LPGAT1: variants seen among roughly 807,000 people sequenced by gnomAD.
LPGAT1 encodes the protein acyl-CoA:lysophosphatidylglycerol acyltransferase 1.
A neutral mutation model predicts 47.5 loss-of-function variants in LPGAT1; 11 were observed. That is an observed-to-expected ratio of 0.23 (90% CI 0.15 to 0.38). LPGAT1 has a LOEUF of 0.38. LPGAT1 is among the 10% of genes least tolerant of loss of function. The pLI is 1.00. For synonymous variants in LPGAT1, 138 were observed against 144.2 expected (o/e 0.96, Z 0.31); for missense variants, 293 against 439.0 (o/e 0.67, Z 2.97).
rs889080348 is a variant in LPGAT1 at position 211,744,382 on chromosome 1, T to C, written c.*5517A>G. On this transcript the variant is annotated 3_prime_UTR_variant, in exon 8 of 8. Transcript: ENST00000366997. ...AAAGCTAAAAGTGGTTTCGGCTTAA[T>C]GAGTCTAATATGTACCATGGTAAGA... is the stretch of plus-strand genomic sequence containing the variant. 2 of 152,218 alleles carry C rather than the reference T, an allele frequency of 1.3e-5. No individual in the cohort carries two copies. Among genetic ancestry groups the C allele is most frequent in the African/African-American group, 4.8e-5 (2 of 41,458 alleles). 9.4% of individuals were successfully genotyped at this position (152,218 alleles called of 1,614,324 possible). A position where few individuals can be genotyped will look rare whatever the true frequency, so the allele number is the denominator to read the frequency against.
At chr1:211,779,128 A>C in intron 5 of LPGAT1, 84 bp from the exon 6 acceptor site, 1 of 1,126,820 alleles carries the variant, frequency 8.9e-7, no homozygotes, top group Middle Eastern at 2.3e-4. Flanking sequence ...TGACCAGTGT[A>C]AGATATATCA....
At chr1:211,804,341 C>T (rs115749199) in intron 2 of LPGAT1, among the ~76,000 whole-genome samples, 2,460 of 152,198 alleles carry the variant, frequency 0.016, 28 homozygotes, top group Non-Finnish European at 0.023. Flanking sequence ...TGAGCCACTA[C>T]ACCTGACAAA....
chr1:211,777,002 G>A (rs77958014), intron 6 of LPGAT1, among the ~76,000 whole-genome samples: 1 of 150,250 alleles, frequency 6.7e-6, no homozygotes, highest in East Asian at 2.0e-4. Flanking sequence ...TATATATAAT[G>A]TGATTTCTAA....
At position 211,785,668 on chromosome 1, in the gene LPGAT1, G is replaced by A. The variant is rs190132956; in HGVS notation, c.453+1964C>T. Reference sequence around the variant, plus strand: ...GTCACCCAGGCTGGAGTGCAGTGACGCAATCTCGGCCCACTGCAACCTCTG... The same window carrying A: ...GTCACCCAGGCTGGAGTGCAGTGACACAATCTCGGCCCACTGCAACCTCTG... On this transcript the variant is annotated intron_variant, in intron 4 of 7. Coordinates refer to ENST00000366997, the MANE Select transcript of LPGAT1 (RefSeq NM_014873.3). Among the ~76,000 whole-genome samples the A allele has an allele frequency of 5.1e-4, 76 of 149,976 alleles. 1 individual carries two copies. Among genetic ancestry groups the A allele is most frequent in the African/African-American group, 1.1e-3 (45 of 40,618 alleles).
At position 211,830,667 on chromosome 1, in the gene LPGAT1, G is replaced by T. The variant is rs1157692910; in HGVS notation, c.-122C>A. 6 of 1,198,800 alleles carry T rather than the reference G, an allele frequency of 5.0e-6. No homozygotes were observed. The East Asian group carries it at 1.4e-4, about 28-fold the overall frequency. The allele number at this position is 1,198,800 out of a possible 1,614,324, so 74.3% of individuals were successfully genotyped here. A position where few individuals can be genotyped will look rare whatever the true frequency, so the allele number is the denominator to read the frequency against. On this transcript the variant is annotated 5_prime_UTR_variant, in exon 1 of 8. Coordinates refer to ENST00000366997, the MANE Select transcript of LPGAT1 (RefSeq NM_014873.3). The surrounding 1 kb of genome is among the most constrained non-coding windows in gnomAD (Gnocchi z 5.9). ...GGGGCCGGCGGAAGAAGGCGGTGGC[G>T]GGGCCCTGCCCCGCTCCGGCTGTGG...
chr1:211,805,993 C>T (rs578068634), intron 2 of LPGAT1, among the ~76,000 whole-genome samples: 1 of 152,202 alleles, frequency 6.6e-6, no homozygotes, highest in Non-Finnish European at 1.5e-5. Flanking sequence ...GGCGCAGTGG[C>T]TCATGCCTGT....
chr1:211,793,943 T>C (rs933780031), intron 2 of LPGAT1, among the ~76,000 whole-genome samples: 6 of 152,202 alleles, frequency 3.9e-5, no homozygotes, highest in African/African-American at 1.4e-4. Flanking sequence ...CCAAAAAAGA[T>C]GTATTATCAA....
intron 4 of LPGAT1, among the ~76,000 whole-genome samples, chr1:211,785,102 C>T (rs1468118305): frequency 1.3e-5 from 2 of 152,068 alleles, no homozygotes; most frequent in African/African-American, 2.4e-5. Context: ...TGCGCCCAGC[C>T]GGTTCTTTCT....
At chr1:211,801,111 G>A (rs1659555456) in intron 2 of LPGAT1, among the ~76,000 whole-genome samples, 1 of 152,180 alleles carries the variant, frequency 6.6e-6, no homozygotes, top group Non-Finnish European at 1.5e-5. Context: ...ACAGACAGTT[G>A]AAGGGGATGA....
chr1:211,794,519 T>G (rs1439958394), intron 2 of LPGAT1, among the ~76,000 whole-genome samples: 4 of 152,174 alleles, frequency 2.6e-5, no homozygotes. Flanking sequence ...TTGCCCAGGC[T>G]GATCTCAAAC....
At chr1:211,759,633 T>G (rs1044210802) in intron 6 of LPGAT1, among the ~76,000 whole-genome samples, 2 of 152,210 alleles carry the variant, frequency 1.3e-5, no homozygotes, top group African/African-American at 4.8e-5. Flanking sequence ...TTACTTTCTA[T>G]AATATTAGCA....
chr1:211,785,547 T>C (rs72746535), intron 4 of LPGAT1, among the ~76,000 whole-genome samples: 12,547 of 152,108 alleles, frequency 0.082, 646 homozygotes, highest in Admixed American at 0.15. Flanking sequence ...AGAAAATATT[T>C]TGGAGTACCT....
chr1:211,817,358 G>C (rs939906096), intron 2 of LPGAT1, among the ~76,000 whole-genome samples: 1 of 152,148 alleles, frequency 6.6e-6, no homozygotes, highest in Non-Finnish European at 1.5e-5. Context: ...GATCACCTAA[G>C]GTCCGGAGTT....
intron 6 of LPGAT1, among the ~76,000 whole-genome samples, chr1:211,755,838 T>C (rs1226088549): frequency 6.6e-6 from 1 of 152,194 alleles, no homozygotes; most frequent in Non-Finnish European, 1.5e-5. Context: ...TCTCCCAAAA[T>C]ACAATACTAC....
At chr1:211,825,621 C>T (rs113162173) in intron 2 of LPGAT1, among the ~76,000 whole-genome samples, 2,471 of 152,210 alleles carry the variant, frequency 0.016, 41 homozygotes, top group Non-Finnish European at 0.025. Flanking sequence ...CAATATAAAG[C>T]ATTTCCTCAA....
chr1:211,786,543 G>A (rs1009910990), intron 4 of LPGAT1, among the ~76,000 whole-genome samples: 3 of 152,166 alleles, frequency 2.0e-5, no homozygotes, highest in African/African-American at 7.2e-5. Flanking sequence ...AGAAAATAAT[G>A]TAGTGCTGAT....
chr1:211,749,999 G>T lies in LPGAT1; in HGVS notation c.1013C>A (p.Thr338Asn), dbSNP rs1327790908. The T allele has an allele frequency of 6.2e-7, 1 of 1,613,952 alleles. No homozygotes were observed. Among genetic ancestry groups the T allele is most frequent in the Non-Finnish European group, 8.5e-7 (1 of 1,179,934 alleles). ...GAGAAATATCCACAAGTTGCTGAGG[G>T]TCATCTCCCTGGAAACAGCTTCCTT... ...GHKEAVSREM[T>N]LSNLWIFLIQ... The change falls in exon 8 of 8, where the codon ACC becomes AAC. Residue 338 changes from threonine to asparagine, a missense_variant. Coordinates refer to ENST00000366997, the MANE Select transcript of LPGAT1 (RefSeq NM_014873.3).
chr1:211,780,856 C>T (rs1038187311), intron 5 of LPGAT1, among the ~76,000 whole-genome samples: 3 of 151,456 alleles, frequency 2.0e-5, no homozygotes, highest in African/African-American at 7.3e-5. Context: ...AGTCAGCTCA[C>T]AGATATCCAC....
rs1657079290 is a variant in LPGAT1 at position 211,749,336 on chromosome 1, A to C, written c.*563T>G. 6.4e-6 allele frequency: 1 copy of C among 155,904 alleles called. No homozygotes were observed. The highest frequency in any genetic ancestry group is 2.4e-5 in the African/African-American group (1 of 41,488). The allele number at this position is 155,904 out of a possible 1,614,324, so 9.7% of individuals were successfully genotyped here. A position where few individuals can be genotyped will look rare whatever the true frequency, so the allele number is the denominator to read the frequency against. The stretch of plus-strand genomic sequence containing the variant: ...GTCCAGTGGACACTGCTTTTCCCCC[A>C]CAGAGAATGTCAATATTCTAGAGTT... On this transcript the variant is annotated 3_prime_UTR_variant, in exon 8 of 8. Coordinates refer to ENST00000366997, the MANE Select transcript of LPGAT1 (RefSeq NM_014873.3).
Sources: allele counts gnomAD v4.1 joint callset (sites outside exome capture counted in the v4.1 genomes callset), GRCh38; gene constraint gnomAD v4.1.1; non-coding constraint Gnocchi (gnomAD v3.1); transcripts MANE v1.5; gene names NCBI Gene and HGNC (gene_info 2026-07-23, HGNC 2026-07-21).